The following ATP7B variants were observed in gnomAD, a reference collection of about 807,000 sequenced individuals.
ATP7B encodes the protein ATPase copper transporting beta.
A neutral mutation model predicts 118.9 loss-of-function variants in ATP7B; 113 were observed. The observed-to-expected ratio is 0.95, with a 90% CI of 0.82 to 1.11. The LOEUF is 1.11. ATP7B is among the 50% of genes most tolerant of loss of function. The pLI, the probability that ATP7B is intolerant of heterozygous loss-of-function variation, is 0.00. For synonymous variants in ATP7B, 777 were observed against 727.4 expected, an observed-to-expected ratio of 1.07 and a Z score of -1.10; for missense variants, 1,867 against 1,871.4, an observed-to-expected ratio of 1.00 and a Z score of 0.04.
chr13:52,008,999 C>T (rs552203756), intron 1 of ATP7B, among the ~76,000 whole-genome samples: 2 of 152,232 alleles, frequency 1.3e-5, no homozygotes, highest in Admixed American at 6.5e-5. Flanking sequence ...CTCAGCCTCC[C>T]GAGTAGCTGG....
At chr13:51,963,637 G>A (rs564409003) in intron 5 of ATP7B, among the ~76,000 whole-genome samples, 16 of 150,784 alleles carry the variant, frequency 1.1e-4, no homozygotes, top group African/African-American at 3.7e-4. Context: ...TCGGGGAACC[G>A]AGGCAGGAGA....
chr13:51,944,413 TC>T, intron 13 of ATP7B, 122 bp from the exon 14 acceptor site: 1 of 1,208,146 alleles, frequency 8.3e-7, no homozygotes, highest in South Asian at 1.3e-5. Context: ...CTGCACAGCT[TC>T]CTAACGTGAT....
At chr13:51,972,048 G>C (rs1951866906) in intron 2 of ATP7B, among the ~76,000 whole-genome samples, 1 of 152,162 alleles carries the variant, frequency 6.6e-6, no homozygotes, top group South Asian at 2.1e-4. Flanking sequence ...CCATGTCTGG[G>C]ACCTAATCGG....
At chr13:51,956,202 A>C (rs1490121983) in intron 9 of ATP7B, among the ~76,000 whole-genome samples, 5 of 152,180 alleles carry the variant, frequency 3.3e-5, no homozygotes, top group African/African-American at 1.2e-4. Flanking sequence ...GCCAGCCTGC[A>C]CCTCATGAAC....
chr13:51,940,593 C>T (rs1348533134), intron 16 of ATP7B, among the ~76,000 whole-genome samples: 2 of 151,868 alleles, frequency 1.3e-5, no homozygotes, highest in Non-Finnish European at 1.5e-5. Flanking sequence ...TGTAGTGAGA[C>T]AAGTCACACC....
At chr13:51,954,819 G>C (rs1958233329) in intron 9 of ATP7B, among the ~76,000 whole-genome samples, 1 of 152,204 alleles carries the variant, frequency 6.6e-6, no homozygotes, top group Non-Finnish European at 1.5e-5. Context: ...TAGTCTCTGG[G>C]ATCTAGACGT....
At chr13:51,981,989 ATTTTTTTGGGTGTGAATTT>A (rs953586349) in intron 1 of ATP7B, among the ~76,000 whole-genome samples, 1 of 143,196 alleles carries the variant, frequency 7.0e-6, no homozygotes, top group Admixed American at 7.2e-5. Flanking sequence ...ACATAATGAG[ATTTTTTTGGGTGTGAATTT>A]TTTTTTTTTT....
rs776395141 is a variant in ATP7B at position 51,961,955 on chromosome 13, T to C, written c.1870-42A>G. On this transcript the variant is annotated intron_variant, in intron 5 of 20. Transcript: ENST00000242839. The stretch of plus-strand genomic sequence containing the variant: ...GAGGGGTGGGGAAAAAGGAGGAAGG[T>C]ACTTGGTTAAAATATGCATTGGCAG... 5 of 1,551,480 alleles carry C rather than the reference T, an allele frequency of 3.2e-6. 1 individual carries two copies. The highest frequency in any genetic ancestry group is 4.5e-5 in the East Asian group (2 of 44,548).
At chr13:51,967,703 CAAAG>C (rs1951633083) in intron 4 of ATP7B, among the ~76,000 whole-genome samples, 1 of 152,228 alleles carries the variant, frequency 6.6e-6, no homozygotes, top group Non-Finnish European at 1.5e-5. Context: ...ACAAAACACA[CAAAG>C]GAAGTAGAAA....
At chr13:51,983,467 T>C (rs189889609) in intron 1 of ATP7B, among the ~76,000 whole-genome samples, 164 of 152,166 alleles carry the variant, frequency 1.1e-3, no homozygotes, top group African/African-American at 3.8e-3. Flanking sequence ...CTGGGGCAAA[T>C]GGTGGCTGTG....
intron 1 of ATP7B, among the ~76,000 whole-genome samples, chr13:52,010,998 G>C (rs1371521518): frequency 6.6e-6 from 1 of 152,222 alleles, no homozygotes; most frequent in Non-Finnish European, 1.5e-5. Flanking sequence ...TGAGCCATTA[G>C]GGCTCTAGCA....
intron 4 of ATP7B, chr13:51,967,261 T>A: frequency 1.3e-6 from 1 of 767,052 alleles, no homozygotes; most frequent in East Asian, 2.7e-5. Flanking sequence ...TGTGTTCAAT[T>A]ATCTTTATCA....
In ATP7B at chr13:51,934,668, T is replaced by C; in HGVS notation, c.*88A>G. 1.3e-6 allele frequency: 2 copies of C among 1,583,816 alleles called. No homozygotes were observed. Among genetic ancestry groups the C allele is most frequent in the East Asian group, 2.2e-5 (1 of 44,690 alleles). ...AGCGGAAGTCCCCAAAGCTGGAGGC[T>C]AGCTCAGCCCATCCTGCTGCTGGCT... On this transcript the variant is annotated 3_prime_UTR_variant, in exon 21 of 21. Coordinates refer to ENST00000242839, the MANE Select transcript of ATP7B (RefSeq NM_000053.4).
chr13:51,944,077 G>A, intron 14 of ATP7B, 32 bp downstream of exon 14: 1 of 1,613,292 alleles, frequency 6.2e-7, no homozygotes, highest in Non-Finnish European at 8.5e-7. Context: ...AGCATTGGCG[G>A]GGAGGGCAGG....
rs140853490 is a variant in ATP7B, at chr13:51,991,399, T to C, written c.52-16231A>G. Among the ~76,000 whole-genome samples, 244 of 152,058 alleles carry C rather than the reference T, an allele frequency of 1.6e-3. 1 individual carries two copies. Among genetic ancestry groups the C allele is most frequent in the Middle Eastern group, 0.01 (3 of 294 alleles). ...GAGGCTAGGGTGGGAGGATCACTGA[T>C]GGGAGGATCCCTTGAGCTCGGGAGG... On this transcript the variant is annotated intron_variant, in intron 1 of 20. Coordinates refer to ENST00000242839, the MANE Select transcript of ATP7B (RefSeq NM_000053.4).
At chr13:51,991,044 C>T (rs564331474) in intron 1 of ATP7B, among the ~76,000 whole-genome samples, 40 of 152,026 alleles carry the variant, frequency 2.6e-4, no homozygotes, top group African/African-American at 8.2e-4. Context: ...GCCAAGATCG[C>T]GCCACTGCAC....
chr13:52,011,495 C>A, upstream of ATP7B: 4 of 844,642 alleles, frequency 4.7e-6, no homozygotes, highest in Admixed American at 8.0e-5. Context: ...GGTCCGGGAA[C>A]CGCCCCTTCA....
At chr13:51,989,474 C>A (rs1195393306) in intron 1 of ATP7B, among the ~76,000 whole-genome samples, 2 of 151,180 alleles carry the variant, frequency 1.3e-5, no homozygotes, top group Non-Finnish European at 2.9e-5. Flanking sequence ...TCAACCACAG[C>A]AAGGGAAAAT....
chr13:51,941,282 A>G, intron 15 of ATP7B, 58 bp from the exon 16 acceptor site: 1 of 1,596,068 alleles, frequency 6.3e-7, no homozygotes, highest in Non-Finnish European at 8.6e-7. Flanking sequence ...TGAACTAAAA[A>G]CCATGCAATC....
Sources: allele counts gnomAD v4.1 joint callset (sites outside exome capture counted in the v4.1 genomes callset), GRCh38; gene constraint gnomAD v4.1.1; transcripts MANE v1.5; gene names NCBI Gene and HGNC (gene_info 2026-07-23, HGNC 2026-07-21).